MTUS2: variants seen among roughly 807,000 people sequenced by gnomAD.
MTUS2 encodes the protein microtubule-associated tumor suppressor candidate 2.
Under a neutral mutation model 114.1 loss-of-function variants are expected in MTUS2, and 40 were observed. The observed-to-expected ratio is 0.35, with a 90% confidence interval of 0.27 to 0.46. The LOEUF (loss-of-function observed/expected upper bound fraction) is 0.46, where lower values mean the gene tolerates loss of function less well. Among genes scored for constraint, MTUS2 ranks in the 20% least tolerant of loss-of-function variants. The pLI, the probability that MTUS2 is intolerant of heterozygous loss-of-function variation, is 1.00. For synonymous variants in MTUS2, 688 were observed against 672.0 expected (o/e 1.02, Z -0.37); for missense variants, 1,679 against 1,705.4 (o/e 0.98, Z 0.27).
At chr13:29,109,821 G>T (rs1000965441) in intron 5 of MTUS2, among the ~76,000 whole-genome samples, 3 of 152,192 alleles carry the variant, frequency 2.0e-5, no homozygotes, top group Non-Finnish European at 4.4e-5. Context: ...ATGTATCTGT[G>T]ATGGAGTAAA....
chr13:28,858,338 C>T lies in MTUS2; in HGVS notation c.-243+18488C>T, dbSNP rs1876764281. On this transcript the variant is annotated intron_variant, in intron 2 of 15. Transcript: ENST00000612955. ...AAAAAGCATGGAATTGCAAATTTGT[C>T]TTTTTCACTGACCTGCTGGAGAAAA... Among the ~76,000 whole-genome samples the T allele has an allele frequency of 2.0e-5, 3 of 152,054 alleles. No homozygotes were observed. The South Asian group carries it at 6.2e-4, about 32-fold the overall frequency.
In MTUS2 at chr13:29,435,057, G is replaced by A. The variant is rs190640441; in HGVS notation, c.3118-4926G>A. 2.0e-4 allele frequency among the ~76,000 whole-genome samples: 31 copies of A among 152,312 alleles called. No individual in the cohort carries two copies. The East Asian group carries it at 5.2e-3, about 26-fold the overall frequency. On this transcript the variant is annotated intron_variant, in intron 8 of 15. Transcript: ENST00000612955. ...TCTTGCATTCCATCTGTGAATAAGA[G>A]ATAGACCACACCAGAATGAATGGAG...
chr13:29,369,760 A>G (rs1433526551), intron 8 of MTUS2, among the ~76,000 whole-genome samples: 1 of 152,242 alleles, frequency 6.6e-6, no homozygotes, highest in African/African-American at 2.4e-5. Context: ...CTATTACACG[A>G]CAGTATTCTC....
intron 4 of MTUS2, among the ~76,000 whole-genome samples, chr13:29,045,535 A>G (rs1887574546): frequency 6.6e-6 from 1 of 152,164 alleles, no homozygotes; most frequent in African/African-American, 2.4e-5. Flanking sequence ...GGGTATGTAC[A>G]TGAAGGGGCA....
rs558789611 is a variant in MTUS2 at position 28,970,141 on chromosome 13, G to A, written c.-242-54316G>A. On this transcript the variant is annotated intron_variant, in intron 2 of 15. Transcript: ENST00000612955. Reference sequence around the variant, plus strand: ...CCTACAGTGATAAAGAACACTAGAAGTTTAATAGTTAGAAAATTTAGTTTT... The same window carrying A: ...CCTACAGTGATAAAGAACACTAGAAATTTAATAGTTAGAAAATTTAGTTTT... Among the ~76,000 whole-genome samples the A allele has an allele frequency of 2.8e-4, 42 of 152,224 alleles. No individual in the cohort carries two copies. The South Asian group carries it at 8.5e-3, about 31-fold the overall frequency.
intron 7 of MTUS2, chr13:29,339,958 G>A (rs1322544269): frequency 6.6e-6 from 1 of 152,464 alleles, no homozygotes; most frequent in Admixed American, 6.5e-5. Context: ...CAATGCAGTA[G>A]TCGGGACGTT....
chr13:29,302,600 G>A (rs1899254538), intron 6 of MTUS2, among the ~76,000 whole-genome samples: 1 of 152,192 alleles, frequency 6.6e-6, no homozygotes, highest in African/African-American at 2.4e-5. Flanking sequence ...CACAACTTAA[G>A]AATCACTAGC....
At chr13:29,331,835 G>C (rs1040538990) in intron 7 of MTUS2, among the ~76,000 whole-genome samples, 1 of 152,144 alleles carries the variant, frequency 6.6e-6, no homozygotes, top group African/African-American at 2.4e-5. Flanking sequence ...TTTTGTCATT[G>C]GTTCTGTTTA....
chr13:28,867,708 A>G (rs890863732), intron 2 of MTUS2, among the ~76,000 whole-genome samples: 1 of 152,210 alleles, frequency 6.6e-6, no homozygotes, highest in African/African-American at 2.4e-5. Context: ...ATTGTAGGTC[A>G]TGAGTCTAGG....
intron 5 of MTUS2, among the ~76,000 whole-genome samples, chr13:29,194,928 AG>A (rs1894616114): frequency 6.7e-6 from 1 of 149,222 alleles, no homozygotes; most frequent in African/African-American, 2.5e-5. Flanking sequence ...AAAAATGATG[AG>A]TTCATGTCCT....
intron 5 of MTUS2, among the ~76,000 whole-genome samples, chr13:29,224,593 G>A (rs879880207): frequency 6.6e-6 from 1 of 151,948 alleles, no homozygotes; most frequent in Non-Finnish European, 1.5e-5. Context: ...TAAAATGGGT[G>A]TACCTTAATT....
At chr13:29,163,749 G>A (rs1375681147) in intron 5 of MTUS2, among the ~76,000 whole-genome samples, 1 of 152,166 alleles carries the variant, frequency 6.6e-6, no homozygotes, top group Non-Finnish European at 1.5e-5. Context: ...GTAGGGATGT[G>A]CAGCCAGGGC....
intron 5 of MTUS2, among the ~76,000 whole-genome samples, chr13:29,136,009 A>T (rs768632637): frequency 2.0e-5 from 3 of 152,160 alleles, no homozygotes; most frequent in Non-Finnish European, 4.4e-5. Flanking sequence ...ATTGTATTAG[A>T]CTCTTAAGTC....
chr13:29,254,521 C>T (rs1368760812), intron 5 of MTUS2, among the ~76,000 whole-genome samples: 2 of 152,232 alleles, frequency 1.3e-5, no homozygotes, highest in African/African-American at 4.8e-5. Context: ...ATGTGTGCCA[C>T]GTGGCCGTGT....
At chr13:29,389,321 A>ATG (rs1566172268) in intron 8 of MTUS2, among the ~76,000 whole-genome samples, 11 of 54,826 alleles carry the variant, frequency 2.0e-4, no homozygotes, top group Non-Finnish European at 3.9e-4. Flanking sequence ...ATGTATACAC[A>ATG]TATGTGTGTA....
At chr13:29,183,347 A>G (rs1400615649) in intron 5 of MTUS2, among the ~76,000 whole-genome samples, 1 of 152,058 alleles carries the variant, frequency 6.6e-6, no homozygotes, top group East Asian at 1.9e-4. Flanking sequence ...ATCAATGGAG[A>G]TGAGGAAAAC....
chr13:29,140,412 T>C (rs1193534903), intron 5 of MTUS2, among the ~76,000 whole-genome samples: 3 of 152,218 alleles, frequency 2.0e-5, no homozygotes, highest in Non-Finnish European at 4.4e-5. Flanking sequence ...ATGACTTTGC[T>C]GTGAGGTTGG....
intron 9 of MTUS2, among the ~76,000 whole-genome samples, chr13:29,446,341 A>G (rs1878279478): frequency 6.6e-6 from 1 of 152,222 alleles, no homozygotes; most frequent in Non-Finnish European, 1.5e-5. Flanking sequence ...ACAGTACCCT[A>G]TCCATTTCAT....
intron 5 of MTUS2, among the ~76,000 whole-genome samples, chr13:29,181,658 G>A (rs1593568886): frequency 6.6e-6 from 1 of 151,330 alleles, no homozygotes; most frequent in South Asian, 2.1e-4. Context: ...CGGTTACCAG[G>A]GTTGTTTACT....
Sources: gnomAD v4.1 joint callset for allele counts (sites outside exome capture counted in the v4.1 genomes callset) on GRCh38, gnomAD v4.1.1 for gene constraint, MANE v1.5 for transcripts, NCBI Gene and HGNC (gene_info 2026-07-23, HGNC 2026-07-21) for gene names.